The following SNAPC3 variants were observed in gnomAD, a reference collection of about 807,000 sequenced individuals.
SNAPC3 encodes small nuclear RNA activating complex polypeptide 3.
A neutral mutation model predicts 47.7 loss-of-function variants in SNAPC3; 56 were observed. That is an observed-to-expected ratio of 1.18 (90% CI 0.95 to 1.47). The LOEUF is 1.47. SNAPC3 is among the 40% of genes most tolerant of loss of function. The pLI is 0.00. For synonymous variants in SNAPC3, 235 were observed against 189.9 expected (o/e 1.24, Z -1.95); for missense variants, 665 against 511.3 (o/e 1.30, Z -2.90).
downstream of SNAPC3, chr9:15,466,003 A>G (rs571615060): frequency 2.2e-3 from 352 of 158,606 alleles, 3 homozygotes; most frequent in Middle Eastern, 0.019. Flanking sequence ...GGATGCTTCT[A>G]TCTAACTCCT....
At chr9:15,466,185 C>T (rs1255784841), downstream of SNAPC3, among the ~76,000 whole-genome samples, 1 of 152,220 alleles carries the variant, frequency 6.6e-6, no homozygotes, top group Admixed American at 6.5e-5. Flanking sequence ...CGAGGCCGGG[C>T]TGGCCAACAT....
At chr9:15,454,700 G>A (rs1244330001) in intron 7 of SNAPC3, among the ~76,000 whole-genome samples, 3 of 152,232 alleles carry the variant, frequency 2.0e-5, no homozygotes, top group Non-Finnish European at 4.4e-5. Context: ...CACTTTGGGA[G>A]GCCAAGGCGG....
At chr9:15,457,461 G>A (rs1300657591) in intron 7 of SNAPC3, among the ~76,000 whole-genome samples, 2 of 152,084 alleles carry the variant, frequency 1.3e-5, no homozygotes, top group Non-Finnish European at 2.9e-5. Flanking sequence ...TGGGTGTGGT[G>A]GTGCATGCTT....
chr9:15,443,226 C>G lies in SNAPC3; in HGVS notation c.478-1376C>G, dbSNP rs78872192. ...GGAGAGAGGGAGAGGGAGCTAACGTCTTTGTTTAGTGGACTTTTATTTATG... is the reference window on the plus strand; with the variant it reads ...GGAGAGAGGGAGAGGGAGCTAACGTGTTTGTTTAGTGGACTTTTATTTATG... On this transcript the variant is annotated intron_variant, in intron 3 of 8. Transcript: ENST00000380821. Among the ~76,000 whole-genome samples, 181 of 152,152 alleles carry G rather than the reference C, an allele frequency of 1.2e-3. 1 individual carries two copies. The highest frequency in any genetic ancestry group is 4.3e-3 in the African/African-American group (178 of 41,528).
At chr9:15,433,214 G>A (rs2032382856) in intron 2 of SNAPC3, among the ~76,000 whole-genome samples, 1 of 151,152 alleles carries the variant, frequency 6.6e-6, no homozygotes, top group East Asian at 1.9e-4. Context: ...ACAAACTCAA[G>A]GAGACTAAGG....
chr9:15,464,808 C>T (rs531514922), downstream of SNAPC3: 2 of 207,312 alleles, frequency 9.6e-6, no homozygotes, highest in African/African-American at 4.5e-5. Context: ...CAGTTGTCTG[C>T]AAAGAAGTCC....
Position 15,442,763 on chromosome 9 carries a change from C to T in SNAPC3, c.478-1839C>T, listed in dbSNP as rs555042912. 4.4e-3 allele frequency among the ~76,000 whole-genome samples: 669 copies of T among 152,148 alleles called. 3 individuals carry two copies. The highest frequency in any genetic ancestry group is 0.015 in the African/African-American group (643 of 41,520). On this transcript the variant is annotated intron_variant, in intron 3 of 8. Coordinates refer to ENST00000380821, the MANE Select transcript of SNAPC3 (RefSeq NM_001039697.2). ...GCAGAGACGCTCTTCACTTGCCAGA[C>T]GGGGTGGCGGCCGGGTACAGGCTGC...
downstream of SNAPC3, chr9:15,465,897 TATATCTGTGATACCAAC>T (rs969218960): frequency 8.0e-6 from 2 of 249,882 alleles, no homozygotes; most frequent in African/African-American, 4.5e-5. Flanking sequence ...GAGAATGTTT[TATATCTGTGATACCAAC>T]ATATTTCAAA....
chr9:15,443,119 C>A (rs1441140180), intron 3 of SNAPC3, among the ~76,000 whole-genome samples: 1 of 152,156 alleles, frequency 6.6e-6, no homozygotes, highest in East Asian at 1.9e-4. Context: ...GAGATGGCGG[C>A]AGTACAGTCC....
chr9:15,429,839 T>C (rs981795073), intron 2 of SNAPC3, among the ~76,000 whole-genome samples: 1 of 152,026 alleles, frequency 6.6e-6, no homozygotes, highest in Non-Finnish European at 1.5e-5. Context: ...AATCTTGGGA[T>C]GACAAGAGAC....
chr9:15,441,361 C>T (rs1018834279), intron 3 of SNAPC3, among the ~76,000 whole-genome samples: 2 of 136,640 alleles, frequency 1.5e-5, no homozygotes, highest in Non-Finnish European at 3.1e-5. Flanking sequence ...TCCTTGCCAA[C>T]AGTGTGCAAG....
chr9:15,464,593 T>C (rs2035483496), downstream of SNAPC3: 1 of 197,834 alleles, frequency 5.1e-6, no homozygotes, highest in Non-Finnish European at 1.0e-5. Flanking sequence ...GTGAGTTTCC[T>C]TATATAACAT....
chr9:15,444,700 TC>T lies in SNAPC3; in HGVS notation c.577del (p.His193IlefsTer23). On this transcript the variant is annotated frameshift_variant, in exon 4 of 9. Coordinates refer to ENST00000380821, the MANE Select transcript of SNAPC3 (RefSeq NM_001039697.2). LOFTEE classifies it high-confidence loss of function. ...SVNILYPVIFHKHKEHKPYQT... is the reference protein window; with the variant it reads ...SVNILYPVIFXKHKEHKPYQT... ...TGAATATCTTGTACCCTGTTATATT[TC>T]ATAAGGTAAGTAGTAAAACCTTTTG... The T allele has an allele frequency of 1.3e-6, 2 of 1,552,504 alleles. No individual in the cohort carries two copies. Among genetic ancestry groups the T allele is most frequent in the Non-Finnish European group, 1.8e-6 (2 of 1,126,530 alleles).
chr9:15,431,431 A>G (rs1389557573), intron 2 of SNAPC3, among the ~76,000 whole-genome samples: 1 of 152,082 alleles, frequency 6.6e-6, no homozygotes, highest in Non-Finnish European at 1.5e-5. Flanking sequence ...CATTATTCCA[A>G]TCCTCTGTTA....
At chr9:15,435,116 G>A (rs2032628055) in intron 3 of SNAPC3, among the ~76,000 whole-genome samples, 2 of 152,160 alleles carry the variant, frequency 1.3e-5, no homozygotes, top group Admixed American at 1.3e-4. Flanking sequence ...CCTTGTGGGT[G>A]TGAAGTAGTA....
At chr9:15,427,661 C>CAAAA (rs1403077724) in intron 2 of SNAPC3, among the ~76,000 whole-genome samples, 7 of 152,206 alleles carry the variant, frequency 4.6e-5, no homozygotes, top group African/African-American at 1.7e-4. Context: ...AGCAACATTA[C>CAAAA]TTTTAATACA....
At chr9:15,436,703 A>T (rs965109631) in intron 3 of SNAPC3, among the ~76,000 whole-genome samples, 1 of 151,942 alleles carries the variant, frequency 6.6e-6, no homozygotes. Context: ...TTTGATAGGG[A>T]TTGCATTGAA....
chr9:15,445,760 A>G (rs2033880923), intron 4 of SNAPC3, among the ~76,000 whole-genome samples: 1 of 152,150 alleles, frequency 6.6e-6, no homozygotes, highest in Non-Finnish European at 1.5e-5. Flanking sequence ...ATCAGCCTAG[A>G]CAAAGTGGCA....
intron 3 of SNAPC3, among the ~76,000 whole-genome samples, chr9:15,439,060 AG>A (rs1289029055): frequency 6.6e-6 from 1 of 151,548 alleles, no homozygotes; most frequent in Admixed American, 6.6e-5. Context: ...CCCAGGCTGG[AG>A]TGCGGTGGCG....
Sources: gnomAD v4.1 joint callset for allele counts (sites outside exome capture counted in the v4.1 genomes callset) on GRCh38, gnomAD v4.1.1 for gene constraint, MANE v1.5 for transcripts, NCBI Gene and HGNC (gene_info 2026-07-23, HGNC 2026-07-21) for gene names.